The following GABRA5 variants were observed in gnomAD, a reference collection of about 807,000 sequenced individuals.
GABRA5 encodes gamma-aminobutyric acid type A receptor subunit alpha5.
A neutral mutation model predicts 47.3 loss-of-function variants in GABRA5; 18 were observed. That is an observed-to-expected ratio of 0.38 (90% CI 0.26 to 0.56). The LOEUF is 0.56. GABRA5 is among the 20% of genes least tolerant of loss of function. GABRA5 has a pLI of 0.71. For missense variants in GABRA5, 365 were observed against 599.3 expected (o/e 0.61, Z 4.08); for synonymous variants, 237 against 229.3 (o/e 1.03, Z -0.30).
chr15:26,910,137 C>A (rs1032078459), intron 6 of GABRA5, among the ~76,000 whole-genome samples: 1 of 151,650 alleles, frequency 6.6e-6, no homozygotes, highest in Non-Finnish European at 1.5e-5. Flanking sequence ...ACAAAGGTCA[C>A]ACAATTAGTT....
At chr15:26,891,464 A>G (rs540520753) in intron 6 of GABRA5, among the ~76,000 whole-genome samples, 116 of 152,300 alleles carry the variant, frequency 7.6e-4, no homozygotes, top group Non-Finnish European at 1.4e-3. Flanking sequence ...TAGATAGAAT[A>G]TATAGCAAGC....
intron 4 of GABRA5, 107 bp downstream of exon 4, chr15:26,881,074 CT>C: frequency 7.7e-7 from 1 of 1,299,564 alleles, no homozygotes; most frequent in South Asian, 1.7e-5. Flanking sequence ...AAGAGCTTCC[CT>C]GCCAGGATTT....
chr15:26,943,664 C>T (rs1417266301), intron 10 of GABRA5, among the ~76,000 whole-genome samples: 3 of 152,168 alleles, frequency 2.0e-5, no homozygotes, highest in Non-Finnish European at 4.4e-5. Context: ...ATTATTTTGG[C>T]AGAAGTAACT....
chr15:26,908,256 C>T (rs1044055174), intron 6 of GABRA5, among the ~76,000 whole-genome samples: 6 of 152,182 alleles, frequency 3.9e-5, no homozygotes, highest in Admixed American at 1.3e-4. Flanking sequence ...CTTTCCAAGA[C>T]GCCCCACTCA....
chr15:26,902,030 A>T (rs1298424584), intron 6 of GABRA5, among the ~76,000 whole-genome samples: 1 of 151,884 alleles, frequency 6.6e-6, no homozygotes, highest in African/African-American at 2.4e-5. Context: ...CACCAATTCT[A>T]CACTGTCTTG....
intron 3 of GABRA5, among the ~76,000 whole-genome samples, chr15:26,874,112 T>C (rs577639133): frequency 6.6e-6 from 1 of 152,168 alleles, no homozygotes; most frequent in Non-Finnish European, 1.5e-5. Context: ...AAGGAGCATG[T>C]GGGCTTTCGG....
rs904583986 is a variant in GABRA5, at chr15:26,867,630, G to A, written c.-140+519G>A. Among the ~76,000 whole-genome samples, 1 of 152,056 alleles carries A rather than the reference G, an allele frequency of 6.6e-6. No individual in the cohort carries two copies. Among genetic ancestry groups the A allele is most frequent in the African/African-American group, 2.4e-5 (1 of 41,440 alleles). ...AGCGGGGTCCGGGCGGCTCATCCCT[G>A]CCGGACGGGGCACCAGGGCGCGGTG... On this transcript the variant is annotated intron_variant, in intron 1 of 10. Transcript: ENST00000335625. This position sits in a 1 kb window ranked among gnomAD's most constrained non-coding sequence, Gnocchi z 5.9.
chr15:26,883,570 C>A lies in GABRA5; in HGVS notation c.497+13C>A. ...TCTACACCATGCGGTGAGCGCCGGGCGGGGGCGGGCGGGGCCGGGGGACGG... is the reference window on the plus strand; with the variant it reads ...TCTACACCATGCGGTGAGCGCCGGGAGGGGGCGGGCGGGGCCGGGGGACGG... On this transcript the variant is annotated intron_variant, in intron 6 of 10. Transcript: ENST00000335625. This position sits in a 1 kb window ranked among gnomAD's most constrained non-coding sequence, Gnocchi z 4.8. 4.0e-6 allele frequency: 2 copies of A among 503,530 alleles called. No homozygotes were observed. Among genetic ancestry groups the A allele is most frequent in the Non-Finnish European group, 3.7e-6 (1 of 272,426 alleles). 31.2% of individuals were successfully genotyped at this position (503,530 alleles called of 1,614,324 possible). A position where few individuals can be genotyped will look rare whatever the true frequency, so the allele number is the denominator to read the frequency against.
Position 26,948,456 on chromosome 15 carries a change from A to G in GABRA5, c.*223A>G, listed in dbSNP as rs539937752. The G allele has an allele frequency of 1.3e-5, 7 of 553,236 alleles. No homozygotes were observed. In the South Asian group the frequency reaches 1.8e-4, roughly 14 times the overall value. 34.3% of individuals were successfully genotyped at this position (553,236 alleles called of 1,614,324 possible). On this transcript the variant is annotated 3_prime_UTR_variant, in exon 11 of 11. Coordinates refer to ENST00000335625, the MANE Select transcript of GABRA5 (RefSeq NM_000810.4). ...TTCGAGCAAACAACTTTCTGGAAAA[A>G]CAGGATACGATGACTGACACTCAGA... is the stretch of plus-strand genomic sequence containing the variant.
At chr15:26,910,892 A>C (rs1211725754) in intron 6 of GABRA5, among the ~76,000 whole-genome samples, 1 of 152,164 alleles carries the variant, frequency 6.6e-6, no homozygotes, top group Non-Finnish European at 1.5e-5. Context: ...CACTCCACAG[A>C]GGCCTTGATC....
chr15:26,942,458 A>T (rs1208699701), intron 9 of GABRA5, among the ~76,000 whole-genome samples: 1 of 152,212 alleles, frequency 6.6e-6, no homozygotes, highest in Non-Finnish European at 1.5e-5. Context: ...GGCTCTTACA[A>T]GTCTGCAGTC....
intron 10 of GABRA5, among the ~76,000 whole-genome samples, chr15:26,947,204 C>T (rs1379607748): frequency 1.3e-5 from 2 of 152,234 alleles, no homozygotes; most frequent in Admixed American, 6.5e-5. Flanking sequence ...TGAGAAATGC[C>T]AGACTTTATT....
chr15:26,948,349 A>G lies in GABRA5; in HGVS notation c.*116A>G, dbSNP rs866880962. ...GCACTATCTTTCAGGAAATTTTTGC[A>G]TGTTTAATAATATGTACAAATAATA... On this transcript the variant is annotated 3_prime_UTR_variant, in exon 11 of 11. Transcript: ENST00000335625. 1.0e-5 allele frequency: 9 copies of G among 900,330 alleles called. No homozygotes were observed. Among genetic ancestry groups the G allele is most frequent in the Non-Finnish European group, 1.5e-5 (9 of 598,216 alleles). The allele number at this position is 900,330 out of a possible 1,614,324, so 55.8% of individuals were successfully genotyped here. A position where few individuals can be genotyped will look rare whatever the true frequency, so the allele number is the denominator to read the frequency against.
At chr15:26,915,432 G>GTA (rs1267777064) in intron 7 of GABRA5, among the ~76,000 whole-genome samples, 2 of 152,124 alleles carry the variant, frequency 1.3e-5, no homozygotes, top group African/African-American at 4.8e-5. Context: ...AATACTATAG[G>GTA]TATACACTTA....
intron 8 of GABRA5, chr15:26,939,166 C>T (rs1894321390): frequency 1.3e-6 from 1 of 748,786 alleles, no homozygotes; most frequent in Non-Finnish European, 2.4e-6. Flanking sequence ...TGAGGCAAAT[C>T]CAGGTAGCAA....
chr15:26,889,810 T>C (rs1468685035), intron 6 of GABRA5, among the ~76,000 whole-genome samples: 3 of 152,352 alleles, frequency 2.0e-5, no homozygotes, highest in Non-Finnish European at 2.9e-5. Flanking sequence ...ATGGTTATGA[T>C]AACACCAAGA....
intron 6 of GABRA5, among the ~76,000 whole-genome samples, chr15:26,909,519 G>A (rs148353804): frequency 1.3e-5 from 2 of 152,292 alleles, no homozygotes; most frequent in African/African-American, 4.8e-5. Context: ...AGGGTCCCAG[G>A]AGGCTACAGT....
intron 9 of GABRA5, among the ~76,000 whole-genome samples, chr15:26,940,862 G>A (rs752739520): frequency 2.0e-5 from 3 of 152,140 alleles, no homozygotes; most frequent in East Asian, 1.9e-4. Context: ...TAATTACCTC[G>A]AAGCTCAGCT....
intron 6 of GABRA5, among the ~76,000 whole-genome samples, chr15:26,899,069 C>G (rs184725432): frequency 6.6e-6 from 1 of 152,214 alleles, no homozygotes; most frequent in East Asian, 1.9e-4. Flanking sequence ...TGCTATATTG[C>G]CCAGGCAGGT....
Sources: allele counts gnomAD v4.1 joint callset (sites outside exome capture counted in the v4.1 genomes callset), GRCh38; gene constraint gnomAD v4.1.1; non-coding constraint Gnocchi (gnomAD v3.1); transcripts MANE v1.5; gene names NCBI Gene and HGNC (gene_info 2026-07-23, HGNC 2026-07-21).